Variants in ARHGAP6 observed in about 807,000 individuals in gnomAD.
ARHGAP6 encodes the protein Rho GTPase activating protein 6.
ARHGAP6 carries 16 observed loss-of-function variants against 55.7 expected under a neutral mutation model. The observed-to-expected ratio is 0.29, with a 90% CI of 0.19 to 0.44. The LOEUF is 0.44. Ranked by LOEUF, ARHGAP6 falls within the 20% of genes least tolerant of loss-of-function variation. The probability of loss-of-function intolerance (pLI) is 1.00; values close to 1 mark genes in which losing one functional copy is unlikely to be tolerated. For synonymous variants in ARHGAP6, 382 were observed against 360.9 expected (o/e 1.06, Z -0.66); for missense variants, 698 against 808.9 (o/e 0.86, Z 1.66).
chrX:11,259,633 G>C (rs902607425), intron 1 of ARHGAP6, among the ~76,000 whole-genome samples: 1 of 112,328 alleles, frequency 8.9e-6, no homozygotes, highest in Non-Finnish European at 1.9e-5. Context: ...CTGAAACTGA[G>C]AGTAAGCATG....
intron 1 of ARHGAP6, among the ~76,000 whole-genome samples, chrX:11,271,260 G>A (rs2047689624): frequency 1.8e-5 from 2 of 111,752 alleles, no homozygotes; most frequent in Non-Finnish European, 3.8e-5. Flanking sequence ...TCAAACTGAA[G>A]AACCCAATCC....
intron 1 of ARHGAP6, among the ~76,000 whole-genome samples, chrX:11,635,124 C>T (rs2052403524): frequency 1.8e-5 from 2 of 112,369 alleles, no homozygotes; most frequent in Admixed American, 1.9e-4. Context: ...ATAGAACCGG[C>T]TAGCAAGTCA....
intron 1 of ARHGAP6, chrX:11,334,595 T>C: frequency 8.1e-6 from 1 of 123,263 alleles, no homozygotes; most frequent in Non-Finnish European, 1.7e-5. Context: ...TGGATCAGGA[T>C]CTTCAACTGA....
At chrX:11,373,387 TA>T (rs35422748) in intron 1 of ARHGAP6, among the ~76,000 whole-genome samples, 21 of 105,922 alleles carry the variant, frequency 2.0e-4, no homozygotes, top group Non-Finnish European at 2.7e-4. Context: ...AGACATTGTT[TA>T]AAAAAAAAAG....
chrX:11,229,724 A>T (rs1188050178), intron 2 of ARHGAP6, among the ~76,000 whole-genome samples: 1 of 112,142 alleles, frequency 8.9e-6, no homozygotes, highest in Non-Finnish European at 1.9e-5. Flanking sequence ...CTGAAATTCC[A>T]TTCATGAATT....
At chrX:11,200,484 T>A (rs2046604331) in intron 2 of ARHGAP6, among the ~76,000 whole-genome samples, 1 of 112,477 alleles carries the variant, frequency 8.9e-6, no homozygotes, top group African/African-American at 3.2e-5. Context: ...AGGTGGTTAA[T>A]CTGGGCATCC....
chrX:11,453,250 A>C (rs865965701), intron 1 of ARHGAP6, among the ~76,000 whole-genome samples: 1 of 95,414 alleles, frequency 1.0e-5, no homozygotes, highest in African/African-American at 3.8e-5. Context: ...TATATACATA[A>C]TATATATATA....
At position 11,179,408 on chromosome X, in the gene ARHGAP6, C is replaced by T. The variant is rs1359588214; in HGVS notation, c.1374G>A (p.Glu458=). The change falls in exon 7 of 13, where the codon GAG becomes GAA. Residue 458 remains glutamate, a synonymous_variant. Transcript: ENST00000337414. The part of the protein sequence containing the change: ...FDRGIDVSLE[E]EHSVHDVAAL... ...CTGCCACATCATGAACACTGTGCTC[C>T]TCCTCCAGAGAGACATCAATCCCAC... 5.0e-6 allele frequency: 6 copies of T among 1,209,996 alleles called. No homozygotes were observed. Among genetic ancestry groups the T allele is most frequent in the Non-Finnish European group, 6.7e-6 (6 of 894,916 alleles).
At chrX:11,159,601 G>T (rs758171748) in intron 9 of ARHGAP6, among the ~76,000 whole-genome samples, 3 of 110,522 alleles carry the variant, frequency 2.7e-5, no homozygotes, top group South Asian at 7.9e-4. Context: ...GGAGGAGAAG[G>T]TTGGGGGTCA....
chrX:11,252,707 A>G (rs971579226), intron 2 of ARHGAP6, among the ~76,000 whole-genome samples: 55 of 112,489 alleles, frequency 4.9e-4, no homozygotes, highest in Non-Finnish European at 9.2e-4. Flanking sequence ...TGCAAGGCAT[A>G]TGCCAGTGAA....
chrX:11,239,999 G>T (rs2147457007), intron 2 of ARHGAP6, among the ~76,000 whole-genome samples: 1 of 111,975 alleles, frequency 8.9e-6, no homozygotes, highest in East Asian at 2.8e-4. Flanking sequence ...GAGAAAGACT[G>T]AACCAGATAT....
intron 10 of ARHGAP6, among the ~76,000 whole-genome samples, chrX:11,147,078 C>G (rs1452187215): frequency 8.9e-6 from 1 of 111,799 alleles, no homozygotes; most frequent in African/African-American, 3.3e-5. Flanking sequence ...TGTTTTATAT[C>G]TGTCAGAAGC....
At chrX:11,189,037 A>C in intron 3 of ARHGAP6, 53 bp from the exon 4 acceptor site, 5 of 1,155,795 alleles carry the variant, frequency 4.3e-6, no homozygotes, top group Non-Finnish European at 5.8e-6. Context: ...TCCAGTGAAC[A>C]CTCTCATTTA....
chrX:11,262,601 G>T (rs967882005), intron 1 of ARHGAP6, among the ~76,000 whole-genome samples: 4 of 111,571 alleles, frequency 3.6e-5, no homozygotes, highest in Admixed American at 9.6e-5. Context: ...GTGGTTTGTG[G>T]ACCCAAGGCA....
chrX:11,484,654 A>C (rs1343183009), intron 1 of ARHGAP6, among the ~76,000 whole-genome samples: 6 of 111,530 alleles, frequency 5.4e-5, no homozygotes, highest in Non-Finnish European at 1.1e-4. Flanking sequence ...TTGGATACAT[A>C]ATTGGGATTC....
intron 1 of ARHGAP6, among the ~76,000 whole-genome samples, chrX:11,346,954 CAAACT>C (rs750688324): frequency 1.4e-4 from 16 of 111,269 alleles, no homozygotes; most frequent in African/African-American, 5.2e-4. Flanking sequence ...AACAAACAAA[CAAACT>C]AGTGTGCTCT....
At chrX:11,646,360 C>A (rs1015380307) in intron 1 of ARHGAP6, among the ~76,000 whole-genome samples, 1 of 111,213 alleles carries the variant, frequency 9.0e-6, no homozygotes, top group South Asian at 3.8e-4. Flanking sequence ...AAGGGCCATG[C>A]CCGGTGGAAC....
chrX:11,310,544 G>C, intron 1 of ARHGAP6, among the ~76,000 whole-genome samples: 1 of 111,757 alleles, frequency 8.9e-6, no homozygotes, highest in East Asian at 2.8e-4. Context: ...CTACAACATG[G>C]ATGAACCCTG....
intron 1 of ARHGAP6, among the ~76,000 whole-genome samples, chrX:11,559,712 G>A (rs890569320): frequency 9.1e-6 from 1 of 110,148 alleles, no homozygotes; most frequent in Non-Finnish European, 1.9e-5. Context: ...TGGATCACGA[G>A]GTCAGGAGAT....
Sources: allele counts gnomAD v4.1 joint callset (sites outside exome capture counted in the v4.1 genomes callset), GRCh38; gene constraint gnomAD v4.1.1; transcripts MANE v1.5; gene names NCBI Gene and HGNC (gene_info 2026-07-23, HGNC 2026-07-21).